Variants in MED26 observed in about 807,000 individuals in gnomAD.
MED26 encodes the protein mediator complex subunit 26.
A neutral mutation model predicts 43.7 loss-of-function variants in MED26; 7 were observed. The ratio of observed to expected loss-of-function variants is 0.16; its 90% CI spans 0.09 to 0.30. The LOEUF is 0.30. Ranked by LOEUF, MED26 falls within the 10% of genes least tolerant of loss-of-function variation. MED26 has a pLI of 1.00. For missense variants in MED26, 784 were observed against 840.6 expected, an observed-to-expected ratio of 0.93 and a Z score of 0.83; for synonymous variants, 375 against 371.1, an observed-to-expected ratio of 1.01 and a Z score of -0.12.
chr19:16,606,388 C>T (rs985131585), intron 1 of MED26, among the ~76,000 whole-genome samples: 3 of 152,000 alleles, frequency 2.0e-5, no homozygotes, highest in African/African-American at 7.2e-5. Context: ...CCCATCTCTA[C>T]TAAAAATACA....
chr19:16,576,333 T>C lies in MED26; in HGVS notation c.1497A>G (p.Ser499=), dbSNP rs763935267. The change falls in exon 3 of 3, where the codon TCA becomes TCG. Residue 499 remains serine, a synonymous_variant. Transcript: ENST00000263390. The surrounding 1 kb of genome is among the most constrained non-coding windows in gnomAD (Gnocchi z 6.8). ...YLSRQSSLLS[S]SGAQTPGAHH... ...GAGCCCCTGGGGTCTGCGCGCCCGA[T>C]GATGAGAGCAGGCTGCTCTGCCGGC... The C allele has an allele frequency of 2.5e-6, 4 of 1,613,932 alleles. No homozygotes were observed. In the Admixed American group the frequency reaches 5.0e-5, roughly 20 times the overall value.
chr19:16,588,786 G>A (rs1401588218), intron 1 of MED26: 1 of 152,278 alleles, frequency 6.6e-6, no homozygotes, highest in Admixed American at 6.5e-5. Flanking sequence ...CCCATTGAGA[G>A]AGGAAGCCGA....
At chr19:16,624,927 A>C (rs2086267569) in intron 1 of MED26, among the ~76,000 whole-genome samples, 1 of 152,212 alleles carries the variant, frequency 6.6e-6, no homozygotes, top group Non-Finnish European at 1.5e-5. Context: ...GCTGCACAGG[A>C]AGATAAAGCT....
At chr19:16,616,851 C>T (rs913035702) in intron 1 of MED26, among the ~76,000 whole-genome samples, 1 of 152,146 alleles carries the variant, frequency 6.6e-6, no homozygotes, top group Non-Finnish European at 1.5e-5. Context: ...GCAAGGGAAC[C>T]AGGTAGGCAG....
At chr19:16,603,717 G>A (rs1449645665) in intron 1 of MED26, among the ~76,000 whole-genome samples, 1 of 152,184 alleles carries the variant, frequency 6.6e-6, no homozygotes, top group East Asian at 1.9e-4. Flanking sequence ...GCCTCTTGGA[G>A]CCCACACACC....
Position 16,625,542 on chromosome 19 carries a change from G to GT in MED26, c.72+2329dup, listed in dbSNP as rs11335301. Among the ~76,000 whole-genome samples the GT allele has an allele frequency of 4.1e-3, 592 of 144,270 alleles. 1 individual carries two copies. Among genetic ancestry groups the GT allele is most frequent in the African/African-American group, 4.5e-3 (178 of 39,824 alleles). 94.6% of individuals were successfully genotyped at this position (144,270 alleles called of 152,430 possible). On this transcript the variant is annotated intron_variant, in intron 1 of 2. Coordinates refer to ENST00000263390, the MANE Select transcript of MED26 (RefSeq NM_004831.5). ...GTGTTGGCTCTTCAACACTGTCCCC[G>GT]TTTTTTTTTTTTTCATGAGCATCTT...
Position 16,576,255 on chromosome 19 carries a change from G to T in MED26, c.1575C>A (p.Ala525=). 6.2e-7 allele frequency: 1 copy of T among 1,611,300 alleles called. No individual in the cohort carries two copies. The highest frequency in any genetic ancestry group is 8.5e-7 in the Non-Finnish European group (1 of 1,180,020). ...LKQEESTRQG[A]RQLHVLVPQS... is the part of the protein sequence containing the mutation. ...GAGGCACCAGCACATGCAGCTGCCT[G>T]GCCCCTTGCCGGGTGCTCTCCTCCT... is the stretch of plus-strand genomic sequence containing the variant. The change falls in exon 3 of 3, where the codon GCC becomes GCA. Residue 525 remains alanine, a synonymous_variant. Transcript: ENST00000263390. The surrounding 1 kb of genome is among the most constrained non-coding windows in gnomAD (Gnocchi z 6.8).
Position 16,575,953 on chromosome 19 carries a change from G to T in MED26, c.*74C>A. On this transcript the variant is annotated 3_prime_UTR_variant, in exon 3 of 3. Transcript: ENST00000263390. ...CAGCGCAGGAGGCAGCTGGGCCCCGGCCACCTGCCCACCTGCCTGCCCGCC... is the reference window on the plus strand; with the variant it reads ...CAGCGCAGGAGGCAGCTGGGCCCCGTCCACCTGCCCACCTGCCTGCCCGCC... The T allele has an allele frequency of 6.9e-7, 1 of 1,449,340 alleles. No individual in the cohort carries two copies. The highest frequency in any genetic ancestry group is 9.4e-7 in the Non-Finnish European group (1 of 1,064,248). The allele number at this position is 1,449,340 out of a possible 1,614,324, so 89.8% of individuals were successfully genotyped here. A position where few individuals can be genotyped will look rare whatever the true frequency, so the allele number is the denominator to read the frequency against.
rs186956426 is a variant in MED26, at chr19:16,606,746, G to C, written c.72+21126C>G. The stretch of plus-strand genomic sequence containing the variant: ...TCTGGGAGGGGAGTAGGCTGAGACA[G>C]GGCTGCTCGTTTCCCAGGGGAGGGG... On this transcript the variant is annotated intron_variant, in intron 1 of 2. Coordinates refer to ENST00000263390, the MANE Select transcript of MED26 (RefSeq NM_004831.5). Among the ~76,000 whole-genome samples the C allele has an allele frequency of 3.5e-3, 527 of 152,274 alleles. 2 individuals are homozygous for C. Among genetic ancestry groups the C allele is most frequent in the Non-Finnish European group, 5.1e-3 (345 of 68,016 alleles).
chr19:16,611,664 A>G (rs915450879), intron 1 of MED26: 1 of 152,120 alleles, frequency 6.6e-6, no homozygotes, highest in Admixed American at 6.6e-5. Context: ...GCCTATCCAG[A>G]TGCCTGAGTC....
At chr19:16,579,664 G>C (rs2086034616) in intron 1 of MED26, among the ~76,000 whole-genome samples, 1 of 152,062 alleles carries the variant, frequency 6.6e-6, no homozygotes, top group African/African-American at 2.4e-5. Context: ...GAGCCCAGGG[G>C]CCCTGAGGAA....
intron 1 of MED26, among the ~76,000 whole-genome samples, chr19:16,602,243 A>G (rs2086153369): frequency 6.6e-6 from 1 of 152,234 alleles, no homozygotes; most frequent in Non-Finnish European, 1.5e-5. Flanking sequence ...TGGAACACAC[A>G]GCTTCTCCTC....
At position 16,576,960 on chromosome 19, in the gene MED26, C is replaced by A; in HGVS notation, c.870G>T (p.Leu290Phe). The change falls in exon 3 of 3, where the codon TTG (leucine) becomes TTT (phenylalanine). Residue 290 changes from leucine (L) to phenylalanine (F), a missense_variant. Coordinates refer to ENST00000263390, the MANE Select transcript of MED26 (RefSeq NM_004831.5). This position sits in a 1 kb window ranked among gnomAD's most constrained non-coding sequence, Gnocchi z 6.8. ...HEGSFARQQSLYAPKGSVPSP... is the reference protein window; with the variant it reads ...HEGSFARQQSFYAPKGSVPSP... ...TGGGCACGGAGCCCTTGGGTGCATA[C>A]AAGCTCTGCTGCCGGGCAAAGGAGC... 6.3e-7 allele frequency: 1 copy of A among 1,598,082 alleles called. No homozygotes were observed. The highest frequency in any genetic ancestry group is 8.5e-7 in the Non-Finnish European group (1 of 1,170,220).
chr19:16,576,196 C>T lies in MED26; in HGVS notation c.1634G>A (p.Arg545Gln), dbSNP rs189485804. The T allele has an allele frequency of 1.6e-4, 265 of 1,612,762 alleles. 1 individual carries two copies. The East Asian group carries it at 4.5e-3, about 27-fold the overall frequency. Reference protein sequence around the residue: ...SPPTDLPGLTREVTQDDLDRI... With the variant: ...SPPTDLPGLTQEVTQDDLDRI... Reference sequence around the variant, plus strand: ...GTCGAGATCGTCCTGTGTGACCTCCCGGGTCAGACCAGGGAGGTCCGTGGG... The same window carrying T: ...GTCGAGATCGTCCTGTGTGACCTCCTGGGTCAGACCAGGGAGGTCCGTGGG... The change falls in exon 3 of 3, where the codon CGG becomes CAG. Residue 545 changes from arginine to glutamine, a missense_variant. Arg to Gln is a conservative substitution (Grantham distance 43, BLOSUM62 1). Around this residue, in one of 3 missense-constraint regions of MED26, gnomAD observed 719 missense variants for 730.9 expected, o/e 0.98. Transcript: ENST00000263390. This position sits in a 1 kb window ranked among gnomAD's most constrained non-coding sequence, Gnocchi z 6.8.
intron 1 of MED26, among the ~76,000 whole-genome samples, chr19:16,613,627 A>G (rs2086209682): frequency 6.6e-6 from 1 of 152,224 alleles, no homozygotes; most frequent in East Asian, 1.9e-4. Context: ...CTCTGAGGGC[A>G]GAAGGAGTCG....
intron 1 of MED26, among the ~76,000 whole-genome samples, chr19:16,582,597 G>C (rs896934631): frequency 6.6e-6 from 1 of 152,208 alleles, no homozygotes; most frequent in Non-Finnish European, 1.5e-5. Context: ...CTCTGTGAGT[G>C]ACAGAGACAC....
intron 1 of MED26, among the ~76,000 whole-genome samples, chr19:16,599,078 T>G (rs947653369): frequency 2.6e-5 from 4 of 152,136 alleles, no homozygotes; most frequent in Non-Finnish European, 5.9e-5. Flanking sequence ...GCTGGTGCAG[T>G]AGGAAGCCTG....
At position 16,593,949 on chromosome 19, in the gene MED26, GGAA is replaced by G. The variant is rs1245214249; in HGVS notation, c.73-15543_73-15541del. ...CCTTCGTTTTCAATGCAGAGGTCCT[GGAA>G]GTTACTATGACCACACAAATTTTCT... On this transcript the variant is annotated intron_variant, in intron 1 of 2. Transcript: ENST00000263390. 2.0e-5 allele frequency among the ~76,000 whole-genome samples: 3 copies of G among 152,252 alleles called. No homozygotes were observed. In the East Asian group the frequency reaches 5.8e-4, roughly 29 times the overall value.
In MED26 at chr19:16,575,177, G is replaced by C. The variant is rs1211399271; in HGVS notation, c.*850C>G. On this transcript the variant is annotated 3_prime_UTR_variant, in exon 3 of 3. Transcript: ENST00000263390. ...CCCACAGTACAGCATAAAACCAGTAGCACCCACAATAACTTTTGTGTTGTT... is the reference window on the plus strand; with the variant it reads ...CCCACAGTACAGCATAAAACCAGTACCACCCACAATAACTTTTGTGTTGTT... 1 of 152,454 alleles carries C rather than the reference G, an allele frequency of 6.6e-6. No homozygotes were observed. The highest frequency in any genetic ancestry group is 2.4e-5 in the African/African-American group (1 of 41,354). The allele number at this position is 152,454 out of a possible 1,614,324, so 9.4% of individuals were successfully genotyped here. A position where few individuals can be genotyped will look rare whatever the true frequency, so the allele number is the denominator to read the frequency against.
Sources: allele counts gnomAD v4.1 joint callset (sites outside exome capture counted in the v4.1 genomes callset), GRCh38; gene constraint gnomAD v4.1.1; regional missense constraint gnomAD v4.1.1; non-coding constraint Gnocchi (gnomAD v3.1); transcripts MANE v1.5; gene names NCBI Gene and HGNC (gene_info 2026-07-23, HGNC 2026-07-21).